SEMA3C: variants seen among roughly 807,000 people sequenced by gnomAD.
The protein encoded by SEMA3C is semaphorin-3C.
A neutral mutation model predicts 89.4 loss-of-function variants in SEMA3C; 47 were observed. The observed-to-expected ratio is 0.53, with a 90% CI of 0.42 to 0.67. The LOEUF is 0.67. SEMA3C is among the 30% of genes least tolerant of loss of function. The pLI, the probability that SEMA3C is intolerant of heterozygous loss-of-function variation, is 0.00. For synonymous variants in SEMA3C, 310 were observed against 320.2 expected (o/e 0.97, Z 0.34); for missense variants, 839 against 929.1 (o/e 0.90, Z 1.26).
At chr7:80,798,285 T>C in intron 10 of SEMA3C, 49 bp from the exon 11 acceptor site, 1 of 1,314,284 alleles carries the variant, frequency 7.6e-7, no homozygotes, top group Non-Finnish European at 9.9e-7. Flanking sequence ...AAAATTAAAA[T>C]ACAATTTAAA....
chr7:80,874,032 A>G (rs76548542), intron 2 of SEMA3C, among the ~76,000 whole-genome samples: 1,618 of 152,234 alleles, frequency 0.011, 26 homozygotes, highest in African/African-American at 0.037. Flanking sequence ...GTGGAGACAA[A>G]GGTGTAAGGT....
At chr7:80,862,510 T>C (rs980113152) in intron 2 of SEMA3C, among the ~76,000 whole-genome samples, 5 of 152,064 alleles carry the variant, frequency 3.3e-5, no homozygotes, top group Admixed American at 6.6e-5. Flanking sequence ...AAAATGACCA[T>C]ACTACCAAAA....
At chr7:80,884,715 T>C (rs1791432086) in intron 2 of SEMA3C, among the ~76,000 whole-genome samples, 1 of 152,210 alleles carries the variant, frequency 6.6e-6, no homozygotes, top group African/African-American at 2.4e-5. Flanking sequence ...TAAACACATG[T>C]TCAGCAGAAA....
In SEMA3C at chr7:80,873,455, T is replaced by C. The variant is rs966400549; in HGVS notation, c.103+43224A>G. On this transcript the variant is annotated intron_variant, in intron 2 of 17. Transcript: ENST00000265361. ...CTTGAGTCAATTTTTAAGTGGAGAC[T>C]TTGCCTAAAAATCTGGATTTCTGGA... Among the ~76,000 whole-genome samples the C allele has an allele frequency of 2.6e-5, 4 of 152,306 alleles. No homozygotes were observed. The East Asian group carries it at 7.7e-4, about 29-fold the overall frequency.
chr7:80,833,216 C>T (rs1457185537), intron 2 of SEMA3C, among the ~76,000 whole-genome samples: 2 of 150,952 alleles, frequency 1.3e-5, no homozygotes, highest in Non-Finnish European at 3.0e-5. Flanking sequence ...AGGTGGATCA[C>T]GAGGTCAGGA....
At chr7:80,911,613 G>T (rs547014503) in intron 2 of SEMA3C, among the ~76,000 whole-genome samples, 1 of 150,848 alleles carries the variant, frequency 6.6e-6, no homozygotes, top group Non-Finnish European at 1.5e-5. Flanking sequence ...CATAGAATAG[G>T]ACCTTTTTTT....
upstream of SEMA3C, chr7:80,919,375 G>A (rs550456906): frequency 4.1e-6 from 4 of 985,236 alleles, no homozygotes; most frequent in African/African-American, 1.7e-5. Context: ...CAACTTGCTG[G>A]GTGCGCTCCA....
At chr7:80,764,901 T>A (rs945579462) in intron 13 of SEMA3C, among the ~76,000 whole-genome samples, 1 of 152,188 alleles carries the variant, frequency 6.6e-6, no homozygotes, top group African/African-American at 2.4e-5. Flanking sequence ...TGACCACAAT[T>A]CTTCAAGTTG....
chr7:80,810,805 G>C, intron 5 of SEMA3C, 104 bp from the exon 6 acceptor site: 1 of 855,482 alleles, frequency 1.2e-6, no homozygotes, highest in Non-Finnish European at 1.9e-6. Context: ...ATGCTTTCTA[G>C]TTGGTTGCTT....
chr7:80,863,187 G>A (rs926973030), intron 2 of SEMA3C, among the ~76,000 whole-genome samples: 10 of 150,756 alleles, frequency 6.6e-5, no homozygotes, highest in Admixed American at 2.0e-4. Flanking sequence ...AGCCAAGATC[G>A]TGCCATTGCA....
rs1787717604 is a variant in SEMA3C at position 80,743,064 on chromosome 7, A to G, written c.*1830T>C. 6.6e-6 allele frequency: 1 copy of G among 151,910 alleles called. No individual in the cohort carries two copies. The highest frequency in any genetic ancestry group is 2.4e-5 in the African/African-American group (1 of 41,436). The allele number at this position is 151,910 out of a possible 1,614,324, so 9.4% of individuals were successfully genotyped here. A position where few individuals can be genotyped will look rare whatever the true frequency, so the allele number is the denominator to read the frequency against. Reference sequence around the variant, plus strand: ...AACTTTGAGAATAGATTGGCCATAAACACAGAAGATGGTTTTGGCTTTACA... The same window carrying G: ...AACTTTGAGAATAGATTGGCCATAAGCACAGAAGATGGTTTTGGCTTTACA... On this transcript the variant is annotated 3_prime_UTR_variant, in exon 18 of 18. Transcript: ENST00000265361.
intron 12 of SEMA3C, among the ~76,000 whole-genome samples, chr7:80,777,813 G>C (rs1236163648): frequency 6.6e-6 from 1 of 152,166 alleles, no homozygotes; most frequent in Non-Finnish European, 1.5e-5. Context: ...AGCTGAAAGA[G>C]ACATCTTAAG....
intron 10 of SEMA3C, 79 bp downstream of exon 10, chr7:80,800,678 A>T (rs1193617634): frequency 1.1e-6 from 1 of 895,762 alleles, no homozygotes; most frequent in East Asian, 2.8e-5. Flanking sequence ...AGTTGCAGAG[A>T]AGAATGCTTT....
At chr7:80,848,928 CCT>C (rs1295800232) in intron 2 of SEMA3C, among the ~76,000 whole-genome samples, 2 of 151,698 alleles carry the variant, frequency 1.3e-5, no homozygotes, top group African/African-American at 4.8e-5. Flanking sequence ...CTTTGGATGC[CCT>C]CTTTTAAATC....
chr7:80,901,305 T>TAA (rs918525966), intron 2 of SEMA3C, among the ~76,000 whole-genome samples: 1 of 152,218 alleles, frequency 6.6e-6, no homozygotes, highest in African/African-American at 2.4e-5. Context: ...CTGATGTGGC[T>TAA]ATTTTAGTGT....
intron 2 of SEMA3C, among the ~76,000 whole-genome samples, chr7:80,848,008 T>G (rs1424440466): frequency 6.6e-6 from 1 of 152,210 alleles, no homozygotes; most frequent in Non-Finnish European, 1.5e-5. Context: ...GCTTTCAGAT[T>G]TTACGTATAA....
intron 2 of SEMA3C, among the ~76,000 whole-genome samples, chr7:80,910,916 A>G (rs1792132052): frequency 6.6e-6 from 1 of 152,118 alleles, no homozygotes; most frequent in Non-Finnish European, 1.5e-5. Flanking sequence ...ACATCCTGAT[A>G]AATTTGCATA....
rs1162061232 is a variant in SEMA3C, at chr7:80,744,719, A to G, written c.*175T>C. On this transcript the variant is annotated 3_prime_UTR_variant, in exon 18 of 18. Coordinates refer to ENST00000265361, the MANE Select transcript of SEMA3C (RefSeq NM_006379.5). ...TGAGGACCATGACATGTCTAGTGCT[A>G]GTCACTATCATACAAGAAAATGCAT... 1.5e-6 allele frequency: 1 copy of G among 657,134 alleles called. No homozygotes were observed. Among genetic ancestry groups the G allele is most frequent in the African/African-American group, 1.8e-5 (1 of 54,752 alleles). 40.7% of individuals were successfully genotyped at this position (657,134 alleles called of 1,614,324 possible).
intron 2 of SEMA3C, among the ~76,000 whole-genome samples, chr7:80,878,588 G>A (rs1486982332): frequency 6.6e-6 from 1 of 152,128 alleles, no homozygotes; most frequent in African/African-American, 2.4e-5. Context: ...AGAGAAAGGA[G>A]TTTGGTGAAA....
Sources: gnomAD v4.1 joint callset for allele counts (sites outside exome capture counted in the v4.1 genomes callset) on GRCh38, gnomAD v4.1.1 for gene constraint, MANE v1.5 for transcripts, NCBI Gene and HGNC (gene_info 2026-07-23, HGNC 2026-07-21) for gene names.